DNAH11: variants seen among roughly 807,000 people sequenced by gnomAD.
The protein encoded by DNAH11 is dynein axonemal heavy chain 11.
Under a neutral mutation model 526.0 loss-of-function variants are expected in DNAH11, and 442 were observed. The observed-to-expected ratio is 0.84, with a 90% CI of 0.78 to 0.91. The LOEUF (loss-of-function observed/expected upper bound fraction) is 0.91. DNAH11 is among the 40% of genes least tolerant of loss of function. The probability of loss-of-function intolerance (pLI) is 0.00; values close to 1 mark genes in which losing one functional copy is unlikely to be tolerated. For missense variants in DNAH11, 6,989 were observed against 5,448.7 expected (o/e 1.28, Z -8.90); for synonymous variants, 2,461 against 1,935.9 (o/e 1.27, Z -7.12).
At chr7:21,650,772 G>T (rs1048724562) in intron 28 of DNAH11, among the ~76,000 whole-genome samples, 10 of 151,236 alleles carry the variant, frequency 6.6e-5, no homozygotes, top group African/African-American at 2.4e-4. Flanking sequence ...CCAGAGTAGC[G>T]GGGATTACAG....
At chr7:21,556,237 T>G (rs1783213836) in intron 2 of DNAH11, among the ~76,000 whole-genome samples, 1 of 152,186 alleles carries the variant, frequency 6.6e-6, no homozygotes, top group Non-Finnish European at 1.5e-5. Context: ...TCTGTTCACT[T>G]TTTGTGACTT....
chr7:21,656,471 T>C (rs10499536), intron 29 of DNAH11, among the ~76,000 whole-genome samples: 1 of 152,188 alleles, frequency 6.6e-6, no homozygotes. Context: ...GCTGATGTCC[T>C]GTACTCTAAT....
intron 30 of DNAH11, among the ~76,000 whole-genome samples, chr7:21,680,255 G>C (rs997223640): frequency 5.3e-5 from 8 of 152,142 alleles, no homozygotes; most frequent in Non-Finnish European, 5.9e-5. Context: ...TGAGTCTCTG[G>C]TGATCTGTCA....
intron 54 of DNAH11, 79 bp downstream of exon 54, chr7:21,750,443 T>G: frequency 4.0e-6 from 6 of 1,512,926 alleles, no homozygotes; most frequent in Middle Eastern, 1.7e-4. Flanking sequence ...AGTTTTTTAT[T>G]ATGAGTTTGA....
intron 40 of DNAH11, 26 bp from the exon 41 acceptor site, chr7:21,710,527 C>T (rs1784420112): frequency 3.2e-6 from 5 of 1,548,992 alleles, no homozygotes; most frequent in African/African-American, 2.8e-5. Flanking sequence ...TAGAAATAAA[C>T]AGCACTCAAC....
chr7:21,572,337 C>G (rs1028532055), intron 8 of DNAH11, among the ~76,000 whole-genome samples: 2 of 152,086 alleles, frequency 1.3e-5, no homozygotes, highest in African/African-American at 4.8e-5. Flanking sequence ...TTTTTTGATT[C>G]ACCTGAACAC....
At position 21,798,678 on chromosome 7, in the gene DNAH11, CTTTA is replaced by C. The variant is rs141037294; in HGVS notation, c.10027-2456_10027-2453del. ...TGCAAGTTATATAAGGCATTGTCTG[CTTTA>C]TTCACCTTCATTCTCCAGCAAGCAT... is the stretch of plus-strand genomic sequence containing the variant. On this transcript the variant is annotated intron_variant, in intron 61 of 81. Coordinates refer to ENST00000409508, the MANE Select transcript of DNAH11 (RefSeq NM_001277115.2). Among the ~76,000 whole-genome samples the C allele has an allele frequency of 9.4e-3, 1,427 of 152,242 alleles. 15 individuals are homozygous for C. Among genetic ancestry groups the C allele is most frequent in the African/African-American group, 0.032 (1,346 of 41,536 alleles).
At chr7:21,899,250 C>G (rs184183172) in intron 79 of DNAH11, 86 bp from the exon 80 acceptor site, 15 of 1,056,948 alleles carry the variant, frequency 1.4e-5, no homozygotes, top group Middle Eastern at 2.0e-4. Context: ...CACCACCACC[C>G]TGCCCTAACC....
At chr7:21,756,177 T>G (rs1786628038) in intron 54 of DNAH11, among the ~76,000 whole-genome samples, 1 of 152,114 alleles carries the variant, frequency 6.6e-6, no homozygotes, top group African/African-American at 2.4e-5. Flanking sequence ...TAAATTAATT[T>G]ATAATATTTT....
intron 81 of DNAH11, among the ~76,000 whole-genome samples, chr7:21,900,442 T>C (rs1784738097): frequency 2.0e-5 from 2 of 101,866 alleles, no homozygotes; most frequent in South Asian, 7.4e-4. Flanking sequence ...ATCTTTCTTC[T>C]ATTGTTTAAA....
chr7:21,834,499 A>G (rs183935428), intron 65 of DNAH11, among the ~76,000 whole-genome samples: 1 of 152,300 alleles, frequency 6.6e-6, no homozygotes, highest in Admixed American at 6.5e-5. Flanking sequence ...AATAGAAAAA[A>G]CAAAATAGAG....
Position 21,543,420 on chromosome 7 carries a change from G to T in DNAH11, c.175G>T (p.Val59Leu). The T allele has an allele frequency of 1.3e-6, 2 of 1,555,476 alleles. No individual in the cohort carries two copies. The highest frequency in any genetic ancestry group is 1.7e-6 in the Non-Finnish European group (2 of 1,148,830). ...GCGGAGTTTCGCCCAAGACGCGCGG[G>T]TGCGCTTCCTCGGCGGCCGCCTGGC... is the stretch of plus-strand genomic sequence containing the variant. Reference protein sequence around the residue: ...RARSFAQDARVRFLGGRLAMM... With the variant: ...RARSFAQDARLRFLGGRLAMM... Residue 59 changes from valine to leucine, a missense_variant, in exon 1 of 82, where the codon GTG (valine) becomes TTG (leucine). Coordinates refer to ENST00000409508, the MANE Select transcript of DNAH11 (RefSeq NM_001277115.2).
In DNAH11 at chr7:21,750,161, G is replaced by C. The variant is rs1786349158; in HGVS notation, c.8798-61G>C. 4.0e-6 allele frequency: 6 copies of C among 1,498,414 alleles called. No homozygotes were observed. In the South Asian group the frequency reaches 8.0e-5, roughly 20 times the overall value. 92.8% of individuals were successfully genotyped at this position (1,498,414 alleles called of 1,614,324 possible). On this transcript the variant is annotated intron_variant, in intron 53 of 81. Transcript: ENST00000409508. ...TGTAAAACATTTCAAACGTTTAAAA[G>C]TTATATGTAAAATTTAAATTGCAAT...
At chr7:21,832,604 C>CT (rs1781830185) in intron 65 of DNAH11, among the ~76,000 whole-genome samples, 2 of 152,182 alleles carry the variant, frequency 1.3e-5, no homozygotes, top group African/African-American at 4.8e-5. Context: ...GATGACTAGT[C>CT]TCACACATTT....
At chr7:21,585,272 G>A (rs760878681) in intron 9 of DNAH11, among the ~76,000 whole-genome samples, 7 of 152,094 alleles carry the variant, frequency 4.6e-5, no homozygotes, top group Non-Finnish European at 8.8e-5. Flanking sequence ...TAGGTGGAGT[G>A]ACTGGTAGTT....
intron 28 of DNAH11, among the ~76,000 whole-genome samples, chr7:21,642,926 T>C (rs1787191444): frequency 6.6e-6 from 1 of 152,156 alleles, no homozygotes; most frequent in Admixed American, 6.5e-5. Context: ...ATTATCAGCT[T>C]AGGAGTAAGT....
intron 2 of DNAH11, among the ~76,000 whole-genome samples, chr7:21,550,320 C>T (rs1389634757): frequency 1.3e-5 from 2 of 152,050 alleles, no homozygotes; most frequent in Non-Finnish European, 2.9e-5. Context: ...AGTAGTGAGC[C>T]GTGAACTCAA....
chr7:21,658,728 G>A, intron 29 of DNAH11, 70 bp from the exon 30 acceptor site: 2 of 1,358,576 alleles, frequency 1.5e-6, no homozygotes, highest in Non-Finnish European at 2.0e-6. Context: ...TGGCCTTAGA[G>A]CCAGTAGGAG....
intron 30 of DNAH11, among the ~76,000 whole-genome samples, 179 bp from the exon 31 acceptor site, chr7:21,681,367 C>G (rs1783128664): frequency 6.6e-6 from 1 of 151,762 alleles, no homozygotes; most frequent in South Asian, 2.1e-4. Flanking sequence ...GCAGAGGTTG[C>G]AGTGAGCAGA....
Sources: allele counts gnomAD v4.1 joint callset (sites outside exome capture counted in the v4.1 genomes callset), GRCh38; gene constraint gnomAD v4.1.1; transcripts MANE v1.5; gene names NCBI Gene and HGNC (gene_info 2026-07-23, HGNC 2026-07-21).